DRC8: variants seen among roughly 807,000 people sequenced by gnomAD.
The protein encoded by DRC8 is dynein regulatory complex subunit 8.
At chr1:245,072,248 G>C in the DRC8 span, among the ~76,000 whole-genome samples, 1 of 152,180 alleles carries the variant, frequency 6.6e-6, no homozygotes, top group Admixed American at 6.5e-5. Flanking sequence ...GCACTAAAAT[G>C]AGTTATCAAG....
At chr1:244,971,056 T>A in the DRC8 span, 3 of 155,884 alleles carry the variant, frequency 1.9e-5, no homozygotes, top group African/African-American at 7.2e-5. Flanking sequence ...CGCAGCCTGA[T>A]GGCGTTCGCG....
chr1:245,076,257 C>T, the DRC8 span, among the ~76,000 whole-genome samples: 38 of 152,292 alleles, frequency 2.5e-4, no homozygotes, highest in Admixed American at 2.0e-3. Flanking sequence ...TCATCATCAT[C>T]GTCATGATTG....
the DRC8 span, among the ~76,000 whole-genome samples, chr1:245,119,534 C>G: frequency 6.6e-6 from 1 of 151,956 alleles, no homozygotes; most frequent in Non-Finnish European, 1.5e-5. Flanking sequence ...CATGGTGATG[C>G]ATGCCTGTAG....
the DRC8 span, among the ~76,000 whole-genome samples, chr1:245,113,735 G>A: frequency 6.6e-6 from 1 of 152,046 alleles, no homozygotes; most frequent in African/African-American, 2.4e-5. Flanking sequence ...CATCTGTCAT[G>A]TGCCAAACGC....
At chr1:245,120,895 A>T in the DRC8 span, among the ~76,000 whole-genome samples, 1 of 152,264 alleles carries the variant, frequency 6.6e-6, no homozygotes, top group Non-Finnish European at 1.5e-5. Context: ...CAGGCCGCTA[A>T]AGCCTCAAAC....
At chr1:245,056,228 AT>A in the DRC8 span, among the ~76,000 whole-genome samples, 1 of 152,164 alleles carries the variant, frequency 6.6e-6, no homozygotes, top group African/African-American at 2.4e-5. Flanking sequence ...CAAGGTAGAC[AT>A]TTTATACTCA....
the DRC8 span, chr1:245,075,441 T>G: frequency 1.0e-4 from 16 of 152,390 alleles, no homozygotes; most frequent in African/African-American, 3.8e-4. Context: ...GGCTCCATAT[T>G]GGGGAAGAGG....
the DRC8 span, among the ~76,000 whole-genome samples, chr1:245,070,004 C>T: frequency 6.6e-6 from 1 of 151,930 alleles, no homozygotes; most frequent in Non-Finnish European, 1.5e-5. Context: ...ATCGTGGCAC[C>T]ACCACACTCC....
the DRC8 span, among the ~76,000 whole-genome samples, chr1:244,985,947 C>A: frequency 1.3e-5 from 2 of 151,440 alleles, no homozygotes; most frequent in Non-Finnish European, 3.0e-5. Context: ...TTAAATTTTT[C>A]TTTTTTCTTT....
the DRC8 span, among the ~76,000 whole-genome samples, chr1:244,997,820 C>T: frequency 2.2e-4 from 34 of 152,236 alleles, no homozygotes; most frequent in East Asian, 6.2e-3. Context: ...GCTGGGGTTA[C>T]AGGTGTGAGC....
the DRC8 span, among the ~76,000 whole-genome samples, chr1:245,094,153 A>G: frequency 3.3e-5 from 5 of 152,160 alleles, no homozygotes; most frequent in African/African-American, 1.2e-4. Flanking sequence ...TCTATTTTCC[A>G]ACTAGTCTTG....
the DRC8 span, among the ~76,000 whole-genome samples, chr1:245,100,407 A>ATAATAATAATAATAATAATAATAT: frequency 6.6e-6 from 1 of 151,404 alleles, no homozygotes; most frequent in African/African-American, 2.4e-5. Flanking sequence ...AATAATAATA[A>ATAATAATAATAATAATAATAATAT]TAATAATTGT....
the DRC8 span, among the ~76,000 whole-genome samples, chr1:245,005,926 C>T: frequency 4.6e-5 from 7 of 151,822 alleles, 1 homozygote; most frequent in Non-Finnish European, 7.4e-5. Flanking sequence ...GTCACAAAGG[C>T]GGAGGGCAAT....
chr1:245,046,548 C>T, the DRC8 span, among the ~76,000 whole-genome samples: 1 of 152,190 alleles, frequency 6.6e-6, no homozygotes, highest in East Asian at 1.9e-4. Context: ...GCTGTTTTCC[C>T]ATGTCTTTGG....
chr1:245,053,079 C>T, the DRC8 span, among the ~76,000 whole-genome samples: 668 of 152,262 alleles, frequency 4.4e-3, 1 homozygote, highest in African/African-American at 0.015. Context: ...TAGTAGTTTT[C>T]GTGGCTTCTT....
the DRC8 span, among the ~76,000 whole-genome samples, chr1:244,974,205 A>G: frequency 2.0e-5 from 3 of 152,072 alleles, no homozygotes; most frequent in Admixed American, 6.5e-5. Context: ...GCAATTGTTG[A>G]TTCTTTGGCT....
the DRC8 span, among the ~76,000 whole-genome samples, chr1:245,099,623 A>T: frequency 6.6e-6 from 1 of 152,192 alleles, no homozygotes; most frequent in Non-Finnish European, 1.5e-5. Context: ...AAGGCCTATT[A>T]ATTCTGCCCC....
chr1:245,104,805 A>T, the DRC8 span, among the ~76,000 whole-genome samples: 1 of 152,316 alleles, frequency 6.6e-6, no homozygotes, highest in South Asian at 2.1e-4. Flanking sequence ...TAATTCTGTA[A>T]TGTCCGATAT....
At chr1:244,995,709 C>G in the DRC8 span, among the ~76,000 whole-genome samples, 6 of 152,246 alleles carry the variant, frequency 3.9e-5, no homozygotes, top group South Asian at 2.1e-4. Flanking sequence ...AGTGCTTTTC[C>G]TGGAAATCCC....
Sources: gnomAD v4.1 joint callset for allele counts (sites outside exome capture counted in the v4.1 genomes callset) on GRCh38, gnomAD v4.1.1 for gene constraint, MANE v1.5 for transcripts, NCBI Gene and HGNC (gene_info 2026-07-23, HGNC 2026-07-21) for gene names.